The following EIF4EBP2 variants were observed in gnomAD, a reference collection of about 807,000 sequenced individuals.
The protein encoded by EIF4EBP2 is eukaryotic translation initiation factor 4E-binding protein 2.
Under a neutral mutation model 10.3 loss-of-function variants are expected in EIF4EBP2, and 5 were observed. The ratio of observed to expected loss-of-function variants is 0.48; its 90% CI spans 0.25 to 1.02. EIF4EBP2 has a LOEUF of 1.02. EIF4EBP2 is among the 50% of genes least tolerant of loss of function. The pLI, the probability that EIF4EBP2 is intolerant of heterozygous loss-of-function variation, is 0.15. For missense variants in EIF4EBP2, 188 were observed against 162.2 expected, an observed-to-expected ratio of 1.16 and a Z score of -0.86; for synonymous variants, 67 against 61.1, an observed-to-expected ratio of 1.10 and a Z score of -0.45.
chr10:70,414,835 C>T (rs1236665380), intron 1 of EIF4EBP2, among the ~76,000 whole-genome samples: 1 of 151,704 alleles, frequency 6.6e-6, no homozygotes, highest in Non-Finnish European at 1.5e-5. Context: ...ACCCTGCACT[C>T]CCGCCTGGGC....
chr10:70,408,365 C>T (rs1467398539), intron 1 of EIF4EBP2, among the ~76,000 whole-genome samples: 3 of 152,206 alleles, frequency 2.0e-5, no homozygotes, highest in Non-Finnish European at 4.4e-5. Flanking sequence ...CTGCCCGCCT[C>T]GGCCTCCCAA....
chr10:70,420,203 T>G (rs534018450), intron 2 of EIF4EBP2, 104 bp downstream of exon 2: 1 of 1,179,374 alleles, frequency 8.5e-7, no homozygotes, highest in Non-Finnish European at 1.2e-6. Context: ...TTGTTTTTTG[T>G]TTTTTGTTTT....
chr10:70,407,212 T>TA (rs1274616108), intron 1 of EIF4EBP2, among the ~76,000 whole-genome samples: 1 of 151,688 alleles, frequency 6.6e-6, no homozygotes, highest in African/African-American at 2.4e-5. Flanking sequence ...GGTCAGCAGA[T>TA]AAACAAGTGA....
intron 1 of EIF4EBP2, among the ~76,000 whole-genome samples, chr10:70,411,488 G>A (rs35914122): frequency 0.17 from 25,491 of 151,736 alleles, 2,258 homozygotes; most frequent in Middle Eastern, 0.19. Flanking sequence ...GCAACATTCC[G>A]ATGCCCCGTT....
Position 70,404,532 on chromosome 10 carries a change from C to G in EIF4EBP2, c.131C>G (p.Ser44Cys). The G allele has an allele frequency of 1.3e-6, 2 of 1,584,220 alleles. No individual in the cohort carries two copies. The highest frequency in any genetic ancestry group is 1.7e-6 in the Non-Finnish European group (2 of 1,169,040). Residue 44 changes from serine to cysteine, a missense_variant, in exon 1 of 3, where the codon TCC (serine) becomes TGC (cysteine). Physicochemically the swap from Ser to Cys is moderately radical, Grantham distance 112. Coordinates refer to ENST00000373218, the MANE Select transcript of EIF4EBP2 (RefSeq NM_004096.5). ...YCTTPGGTLF[S>C]TTPGGTRIIY... Reference sequence around the variant, plus strand: ...ACCACGCCCGGGGGGACGCTCTTCTCCACCACACCGGGAGGTGAGCGCCGG... The same window carrying G: ...ACCACGCCCGGGGGGACGCTCTTCTGCACCACACCGGGAGGTGAGCGCCGG...
At position 70,404,511 on chromosome 10, in the gene EIF4EBP2, C is replaced by T. The variant is rs1303266493; in HGVS notation, c.110C>T (p.Thr37Met). ...AAQLPHDYCT[T>M]PGGTLFSTTP... Reference sequence around the variant, plus strand: ...CAGCTACCTCATGACTATTGCACCACGCCCGGGGGGACGCTCTTCTCCACC... The same window carrying T: ...CAGCTACCTCATGACTATTGCACCATGCCCGGGGGGACGCTCTTCTCCACC... The change falls in exon 1 of 3, where the codon ACG (threonine) becomes ATG (methionine). Residue 37 changes from threonine to methionine, a missense_variant. Transcript: ENST00000373218. 4 of 1,592,064 alleles carry T rather than the reference C, an allele frequency of 2.5e-6. No individual in the cohort carries two copies. Among genetic ancestry groups the T allele is most frequent in the Non-Finnish European group, 3.4e-6 (4 of 1,172,278 alleles).
rs1488059443 is a variant in EIF4EBP2, at chr10:70,422,047, T to C, written c.*300T>C. The C allele has an allele frequency of 2.6e-6, 1 of 387,990 alleles. No homozygotes were observed. Among genetic ancestry groups the C allele is most frequent in the African/African-American group, 2.0e-5 (1 of 50,162 alleles). 24.0% of individuals were successfully genotyped at this position (387,990 alleles called of 1,614,324 possible). A position where few individuals can be genotyped will look rare whatever the true frequency, so the allele number is the denominator to read the frequency against. ...AACAGTTCAACTCTGACTTTCCTAGTTGTTTTTTTATTGAGAGCCACCCTC... is the reference window on the plus strand; with the variant it reads ...AACAGTTCAACTCTGACTTTCCTAGCTGTTTTTTTATTGAGAGCCACCCTC... On this transcript the variant is annotated 3_prime_UTR_variant, in exon 3 of 3. Transcript: ENST00000373218.
rs1197268463 is a variant in EIF4EBP2 at position 70,427,953 on chromosome 10, CTT to C, written c.*6207_*6208del. ...CCAAGTGTATCCCCTTTCTCTCCAG[CTT>C]AATCTTTTTTTTTTTTTTTTTTTTA... On this transcript the variant is annotated 3_prime_UTR_variant, in exon 3 of 3. Transcript: ENST00000373218. 1 of 149,330 alleles carries C rather than the reference CTT, an allele frequency of 6.7e-6. No individual in the cohort carries two copies. Among genetic ancestry groups the C allele is most frequent in the Non-Finnish European group, 1.5e-5 (1 of 67,338 alleles). The allele number at this position is 149,330 out of a possible 1,614,324, so 9.3% of individuals were successfully genotyped here.
At chr10:70,411,506 C>G (rs1845044158) in intron 1 of EIF4EBP2, among the ~76,000 whole-genome samples, 1 of 152,182 alleles carries the variant, frequency 6.6e-6, no homozygotes, top group African/African-American at 2.4e-5. Flanking sequence ...GTTCCTTCAT[C>G]TCCATTTCCA....
intron 2 of EIF4EBP2, among the ~76,000 whole-genome samples, chr10:70,421,066 A>G (rs771913962): frequency 6.6e-6 from 1 of 152,188 alleles, no homozygotes; most frequent in African/African-American, 2.4e-5. Flanking sequence ...AAGTGCTGAG[A>G]TTACAGGTGT....
In EIF4EBP2 at chr10:70,404,283, G is replaced by A; in HGVS notation, c.-119G>A. On this transcript the variant is annotated 5_prime_UTR_variant, in exon 1 of 3. Coordinates refer to ENST00000373218, the MANE Select transcript of EIF4EBP2 (RefSeq NM_004096.5). ...AGCGGAGCGGGACGAGGGAACGGGA[G>A]GAAGCGAGCGAGGAGCGCGCAGAGC... The A allele has an allele frequency of 2.3e-6, 3 of 1,297,164 alleles. No individual in the cohort carries two copies. The highest frequency in any genetic ancestry group is 3.0e-6 in the Non-Finnish European group (3 of 998,222). The allele number at this position is 1,297,164 out of a possible 1,614,324, so 80.4% of individuals were successfully genotyped here.
chr10:70,414,943 G>GCCCAGGAGTGT (rs1267292026), intron 1 of EIF4EBP2, among the ~76,000 whole-genome samples: 1 of 152,040 alleles, frequency 6.6e-6, no homozygotes, highest in Admixed American at 6.6e-5. Flanking sequence ...GATGGCTTGA[G>GCCCAGGAGTGT]CCCAGGAGTT....
intron 1 of EIF4EBP2, among the ~76,000 whole-genome samples, chr10:70,410,944 G>A (rs1050879979): frequency 1.3e-5 from 2 of 152,068 alleles, no homozygotes; most frequent in East Asian, 1.9e-4. Context: ...CTTCCTCCTC[G>A]TGGTCCCTGC....
intron 1 of EIF4EBP2, among the ~76,000 whole-genome samples, chr10:70,407,942 G>A (rs1387696547): frequency 1.2e-4 from 10 of 81,264 alleles, no homozygotes; most frequent in Non-Finnish European, 7.5e-5. Flanking sequence ...GGGCAGAGGC[G>A]CCCCTCACCT....
rs1341650837 is a variant in EIF4EBP2 at position 70,426,459 on chromosome 10, T to G, written c.*4712T>G. On this transcript the variant is annotated 3_prime_UTR_variant, in exon 3 of 3. Coordinates refer to ENST00000373218, the MANE Select transcript of EIF4EBP2 (RefSeq NM_004096.5). ...CTAATTTTTATTTCTATATTTTTAGTAGAGATGGGGTTTCATCATGTTTGC... is the reference window on the plus strand; with the variant it reads ...CTAATTTTTATTTCTATATTTTTAGGAGAGATGGGGTTTCATCATGTTTGC... 3 of 152,190 alleles carry G rather than the reference T, an allele frequency of 2.0e-5. No individual in the cohort carries two copies. Among genetic ancestry groups the G allele is most frequent in the African/African-American group, 7.2e-5 (3 of 41,432 alleles). The allele number at this position is 152,190 out of a possible 1,614,324, so 9.4% of individuals were successfully genotyped here.
chr10:70,417,316 G>C (rs1417792659), intron 1 of EIF4EBP2, among the ~76,000 whole-genome samples: 2 of 152,064 alleles, frequency 1.3e-5, no homozygotes, highest in Non-Finnish European at 2.9e-5. Flanking sequence ...ACAGAAAGTA[G>C]ATTAGTGGTT....
chr10:70,408,922 G>A (rs1845012370), intron 1 of EIF4EBP2, among the ~76,000 whole-genome samples: 1 of 152,174 alleles, frequency 6.6e-6, no homozygotes, highest in South Asian at 2.1e-4. Flanking sequence ...TGGTAAGGGA[G>A]GGGATTAACA....
At chr10:70,420,139 TTGGAATTTGAA>T in intron 2 of EIF4EBP2, 40 bp downstream of exon 2, 1 of 1,529,168 alleles carries the variant, frequency 6.5e-7, no homozygotes, top group Non-Finnish European at 8.8e-7. Context: ...AGCGTGGCTC[TTGGAATTTGAA>T]TGTCTGTTTG....
At chr10:70,404,862 G>T (rs2137220872) in intron 1 of EIF4EBP2, among the ~76,000 whole-genome samples, 1 of 152,372 alleles carries the variant, frequency 6.6e-6, no homozygotes, top group South Asian at 2.1e-4. Flanking sequence ...GGGCGGATTT[G>T]GCTCCACTTG....
Sources: gnomAD v4.1 joint callset for allele counts (sites outside exome capture counted in the v4.1 genomes callset) on GRCh38, gnomAD v4.1.1 for gene constraint, MANE v1.5 for transcripts, NCBI Gene and HGNC (gene_info 2026-07-23, HGNC 2026-07-21) for gene names.